Variants in DLGAP2 observed in about 807,000 individuals in gnomAD.
DLGAP2 encodes disks large-associated protein 2.
In DLGAP2, 26 loss-of-function variants were observed where a neutral mutation model predicts 100.3. That is an observed-to-expected ratio of 0.26 (90% CI 0.19 to 0.36). The LOEUF (loss-of-function observed/expected upper bound fraction) is 0.36, where lower values mean the gene tolerates loss of function less well. Among genes scored for constraint, DLGAP2 ranks in the 10% least tolerant of loss-of-function variants. The pLI, the probability that DLGAP2 is intolerant of heterozygous loss-of-function variation, is 1.00. For synonymous variants in DLGAP2, 886 were observed against 630.1 expected (o/e 1.41, Z -6.08); for missense variants, 1,858 against 1,453.2 (o/e 1.28, Z -4.53).
intron 2 of DLGAP2, among the ~76,000 whole-genome samples, chr8:1,240,103 G>T (rs1420633439): frequency 6.8e-6 from 1 of 146,646 alleles, no homozygotes; most frequent in Middle Eastern, 3.8e-3. Context: ...CTCTCACATG[G>T]CGCCATGTCT....
intron 5 of DLGAP2, among the ~76,000 whole-genome samples, chr8:1,557,055 G>A (rs1026002396): frequency 3.5e-4 from 53 of 152,146 alleles, no homozygotes; most frequent in Non-Finnish European, 1.8e-4. Context: ...GCTGGGAGAC[G>A]CTTGTGGGGT....
chr8:1,313,323 C>G (rs566331138), intron 3 of DLGAP2, among the ~76,000 whole-genome samples: 2 of 152,300 alleles, frequency 1.3e-5, no homozygotes, highest in East Asian at 1.9e-4. Context: ...GAATGTAAAA[C>G]TTGACACTTA....
chr8:1,546,823 A>G (rs937418109), intron 4 of DLGAP2, among the ~76,000 whole-genome samples: 2 of 152,102 alleles, frequency 1.3e-5, no homozygotes, highest in South Asian at 2.1e-4. Flanking sequence ...AGAGACGCTT[A>G]TGGTGACGGG....
intron 2 of DLGAP2, among the ~76,000 whole-genome samples, chr8:1,078,346 G>A (rs1199791831): frequency 1.3e-5 from 2 of 152,144 alleles, no homozygotes; most frequent in African/African-American, 4.8e-5. Flanking sequence ...CCATTTCTCT[G>A]CTGTTAGCGT....
chr8:859,650 G>A (rs781484824), intron 1 of DLGAP2, among the ~76,000 whole-genome samples: 1 of 152,292 alleles, frequency 6.6e-6, no homozygotes, highest in Non-Finnish European at 1.5e-5. Context: ...TCAGCACCAG[G>A]CCTCTGGCTG....
Position 1,516,423 on chromosome 8 carries a change from CTGAA to C in DLGAP2, c.172+14996_172+14999del, listed in dbSNP as rs1390134283. Among the ~76,000 whole-genome samples the C allele has an allele frequency of 5.8e-5, 8 of 137,372 alleles. No homozygotes were observed. In the South Asian group the frequency reaches 1.3e-3, roughly 22 times the overall value. The allele number at this position is 137,372 out of a possible 152,430, so 90.1% of individuals were successfully genotyped here. A position where few individuals can be genotyped will look rare whatever the true frequency, so the allele number is the denominator to read the frequency against. On this transcript the variant is annotated intron_variant, in intron 4 of 14. Coordinates refer to ENST00000637795, the MANE Select transcript of DLGAP2 (RefSeq NM_001346810.2). ...GGTGACTGAGTGAAAGAGTGAGTGA[CTGAA>C]TGAGTGGGTGACTGAGGGAAAGAGT... is the stretch of plus-strand genomic sequence containing the variant.
At chr8:790,105 A>C (rs368989618) in intron 1 of DLGAP2, among the ~76,000 whole-genome samples, 13 of 152,332 alleles carry the variant, frequency 8.5e-5, no homozygotes, top group Admixed American at 8.5e-4. Flanking sequence ...TGGAGAAAGT[A>C]AGAATTTGAG....
At chr8:1,571,867 GAC>G (rs1802708120) in intron 6 of DLGAP2, among the ~76,000 whole-genome samples, 1 of 129,570 alleles carries the variant, frequency 7.7e-6, no homozygotes, top group African/African-American at 3.1e-5. Flanking sequence ...ATGGAGAGGA[GAC>G]AGGGTGAACT....
rs573156645 is a variant in DLGAP2 at position 839,254 on chromosome 8, A to C, written c.19-68658A>C. Among the ~76,000 whole-genome samples the C allele has an allele frequency of 4.6e-5, 7 of 152,292 alleles. No homozygotes were observed. In the East Asian group the frequency reaches 1.2e-3, roughly 25 times the overall value. The stretch of plus-strand genomic sequence containing the variant: ...CTTGGCACAAATCCAAAGGAATTGC[A>C]CTCAGTGTGTTGAGATGTCTGCATT... On this transcript the variant is annotated intron_variant, in intron 1 of 14. Coordinates refer to ENST00000637795, the MANE Select transcript of DLGAP2 (RefSeq NM_001346810.2).
At chr8:1,633,329 G>A (rs1563269981) in intron 8 of DLGAP2, among the ~76,000 whole-genome samples, 1 of 152,242 alleles carries the variant, frequency 6.6e-6, no homozygotes, top group South Asian at 2.1e-4. Context: ...AGAAATGGAA[G>A]TGCTAGCATT....
chr8:1,343,611 T>C (rs1243066168), intron 3 of DLGAP2, among the ~76,000 whole-genome samples: 1 of 152,186 alleles, frequency 6.6e-6, no homozygotes. Context: ...ATTAACCCTT[T>C]ACTGCATGCC....
chr8:1,219,046 T>C (rs1263206625), intron 2 of DLGAP2, among the ~76,000 whole-genome samples: 2 of 152,216 alleles, frequency 1.3e-5, no homozygotes, highest in Non-Finnish European at 1.5e-5. Flanking sequence ...GTTTTCTAGG[T>C]ATAGAATCAT....
At chr8:831,872 ATC>A (rs751066087) in intron 1 of DLGAP2, among the ~76,000 whole-genome samples, 5,287 of 150,832 alleles carry the variant, frequency 0.035, 172 homozygotes, top group African/African-American at 0.069. Flanking sequence ...CCTCGCCCAC[ATC>A]TGTTGTTTCC....
At chr8:1,430,620 G>C (rs1246422205) in intron 3 of DLGAP2, among the ~76,000 whole-genome samples, 1 of 152,162 alleles carries the variant, frequency 6.6e-6, no homozygotes, top group Non-Finnish European at 1.5e-5. Context: ...TCACACAGTT[G>C]CCTATGACTG....
chr8:909,087 CT>C (rs1416674528), intron 2 of DLGAP2, among the ~76,000 whole-genome samples: 2 of 152,160 alleles, frequency 1.3e-5, no homozygotes, highest in African/African-American at 4.8e-5. Flanking sequence ...ACTGATAGAA[CT>C]CTTCTTGAGA....
chr8:1,381,401 G>C (rs142492827), intron 3 of DLGAP2: 2 of 152,330 alleles, frequency 1.3e-5, no homozygotes, highest in East Asian at 3.9e-4. Flanking sequence ...TGAACTGAGC[G>C]TAACTCTTTT....
intron 2 of DLGAP2, among the ~76,000 whole-genome samples, chr8:1,058,612 C>A (rs935795943): frequency 2.6e-5 from 4 of 152,334 alleles, no homozygotes; most frequent in Admixed American, 2.0e-4. Flanking sequence ...CCTGGCTCAT[C>A]ACGGCTGGTT....
intron 4 of DLGAP2, among the ~76,000 whole-genome samples, chr8:1,509,327 C>CTAAA (rs769352573): frequency 0.044 from 3,438 of 77,396 alleles, 75 homozygotes; most frequent in Middle Eastern, 0.069. Context: ...AAGACTCCGT[C>CTAAA]CAAAAAAAAA....
At chr8:935,600 C>T (rs79597152) in intron 2 of DLGAP2, among the ~76,000 whole-genome samples, 12,749 of 152,206 alleles carry the variant, frequency 0.084, 720 homozygotes, top group Non-Finnish European at 0.12. Context: ...GTGGCTCTGT[C>T]GCATTTGCAT....
Sources: gnomAD v4.1 joint callset for allele counts (sites outside exome capture counted in the v4.1 genomes callset) on GRCh38, gnomAD v4.1.1 for gene constraint, MANE v1.5 for transcripts, NCBI Gene and HGNC (gene_info 2026-07-23, HGNC 2026-07-21) for gene names.